RNF216: variants seen among roughly 807,000 people sequenced by gnomAD.
RNF216 encodes ring finger protein 216, also known as E3 ubiquitin-protein ligase RNF216.
A neutral mutation model predicts 110.8 loss-of-function variants in RNF216; 72 were observed. The observed-to-expected ratio is 0.65, with a 90% CI of 0.54 to 0.79. RNF216 has a LOEUF of 0.79. Among genes scored for constraint, RNF216 ranks in the 30% least tolerant of loss-of-function variants. The probability of loss-of-function intolerance (pLI) is 0.00; values close to 1 mark genes in which losing one functional copy is unlikely to be tolerated. For missense variants in RNF216, 1,342 were observed against 1,141.2 expected (o/e 1.18, Z -2.54); for synonymous variants, 495 against 407.5 (o/e 1.21, Z -2.59).
intron 15 of RNF216, among the ~76,000 whole-genome samples, chr7:5,632,967 C>T (rs960888299): frequency 1.3e-5 from 2 of 152,050 alleles, no homozygotes; most frequent in African/African-American, 2.4e-5. Flanking sequence ...ACCCACCCAG[C>T]GGAACTGGAA....
At position 5,741,133 on chromosome 7, in the gene RNF216, G is replaced by C; in HGVS notation, c.884C>G (p.Pro295Arg). 2 of 1,614,140 alleles carry C rather than the reference G, an allele frequency of 1.2e-6. No individual in the cohort carries two copies. Among genetic ancestry groups the C allele is most frequent in the Non-Finnish European group, 1.7e-6 (2 of 1,180,042 alleles). ...CTGCTGGTCTTCAAACTCTCCTAGA[G>C]GATGGGCAGGCTGAGGAGAAGAGGG... is the stretch of plus-strand genomic sequence containing the variant. ...SGPSSPQPAH[P>R]LGEFEDQQLA... is the part of the protein sequence containing the mutation. Residue 295 changes from proline (P) to arginine (R), a missense_variant, in exon 4 of 17, where the codon CCT becomes CGT. By Grantham distance (103) the Pro-to-Arg change is moderately radical. Coordinates refer to ENST00000389902, the MANE Select transcript of RNF216 (RefSeq NM_207111.4).
chr7:5,676,347 T>C (rs1357812488), intron 13 of RNF216, among the ~76,000 whole-genome samples: 3 of 152,214 alleles, frequency 2.0e-5, no homozygotes, highest in African/African-American at 4.8e-5. Context: ...TCTCCAGCTA[T>C]ATACCTTATA....
intron 1 of RNF216, among the ~76,000 whole-genome samples, chr7:5,776,860 C>T (rs913705635): frequency 7.9e-6 from 1 of 126,580 alleles, no homozygotes; most frequent in African/African-American, 3.0e-5. Flanking sequence ...GATATTGTGC[C>T]ACTGCACTCC....
rs556937664 is a variant in RNF216, at chr7:5,697,192, C to T, written c.2061+14569G>A. Among the ~76,000 whole-genome samples, 10 of 149,510 alleles carry T rather than the reference C, an allele frequency of 6.7e-5. No homozygotes were observed. The South Asian group carries it at 8.3e-4, about 12-fold the overall frequency. On this transcript the variant is annotated intron_variant, in intron 13 of 16. Transcript: ENST00000389902. Reference sequence around the variant, plus strand: ...CCTGGAGTAAAGTTCTCCCCATCTCCGCCAATAAGACCCCACCACGGCCTG... The same window carrying T: ...CCTGGAGTAAAGTTCTCCCCATCTCTGCCAATAAGACCCCACCACGGCCTG...
In RNF216 at chr7:5,657,442, C is replaced by T. The variant is rs1788817493; in HGVS notation, c.2062-4932G>A. Among the ~76,000 whole-genome samples, 4 of 152,146 alleles carry T rather than the reference C, an allele frequency of 2.6e-5. No homozygotes were observed. The South Asian group carries it at 8.3e-4, about 32-fold the overall frequency. ...ATTAGCTGGGCGTGGTGGCGCATGC[C>T]TATAATCCCAGCTACTCAGGAGGCT... On this transcript the variant is annotated intron_variant, in intron 13 of 16. Transcript: ENST00000389902.
chr7:5,765,952 C>CAA (rs138328361), intron 1 of RNF216, among the ~76,000 whole-genome samples: 43,202 of 102,156 alleles, frequency 0.42, 9,931 homozygotes, highest in East Asian at 0.73. Context: ...GACTCTGTCT[C>CAA]AAAAAAAAAA....
intron 13 of RNF216, among the ~76,000 whole-genome samples, chr7:5,686,574 A>G (rs1562390703): frequency 6.6e-6 from 1 of 152,212 alleles, no homozygotes; most frequent in South Asian, 2.1e-4. Flanking sequence ...CAGTGTTCCT[A>G]AACTGATGTT....
At chr7:5,740,821 AG>A (rs1238206134) in intron 4 of RNF216, 151 bp downstream of exon 4, 10 of 659,526 alleles carry the variant, frequency 1.5e-5, no homozygotes, top group Middle Eastern at 9.0e-4. Context: ...ATGTCTTCAG[AG>A]TGTCTCTTCT....
intron 1 of RNF216, among the ~76,000 whole-genome samples, chr7:5,770,511 G>A (rs1796440614): frequency 6.6e-6 from 1 of 151,244 alleles, no homozygotes; most frequent in Non-Finnish European, 1.5e-5. Flanking sequence ...AATAAATGTA[G>A]AGACATACCA....
In RNF216 at chr7:5,741,663, C is replaced by T. The variant is rs767915764; in HGVS notation, c.354G>A (p.Leu118=). The T allele has an allele frequency of 1.2e-5, 19 of 1,614,036 alleles. No individual in the cohort carries two copies. The highest frequency in any genetic ancestry group is 1.6e-5 in the Non-Finnish European group (19 of 1,180,036). The change falls in exon 4 of 17, where the codon TTG becomes TTA. Residue 118 remains leucine, a synonymous_variant. Transcript: ENST00000389902. ...AATCATCCTGTGCCCCAGAATCAAA[C>T]AATGGGTTGTTACACACTGAAAAAT... ...SSYFSVCNNP[L]FDSGAQDDSE...
intron 10 of RNF216, 75 bp downstream of exon 10, chr7:5,716,641 A>T: frequency 7.9e-7 from 1 of 1,268,902 alleles, no homozygotes; most frequent in Non-Finnish European, 1.1e-6. Context: ...TGCCATCAAA[A>T]ATGCTGACAA....
intron 13 of RNF216, among the ~76,000 whole-genome samples, chr7:5,672,941 T>C (rs1790016255): frequency 1.3e-5 from 2 of 152,162 alleles, no homozygotes; most frequent in African/African-American, 4.8e-5. Context: ...TTGGAAAATG[T>C]ACAAAAAAAG....
At chr7:5,651,742 G>A (rs529740706) in intron 14 of RNF216, among the ~76,000 whole-genome samples, 3 of 151,964 alleles carry the variant, frequency 2.0e-5, no homozygotes, top group African/African-American at 4.8e-5. Flanking sequence ...TCCGCCTCCC[G>A]GGTTCAACTA....
intron 13 of RNF216, among the ~76,000 whole-genome samples, chr7:5,654,236 G>A (rs1788588669): frequency 6.6e-6 from 1 of 152,140 alleles, no homozygotes; most frequent in Non-Finnish European, 1.5e-5. Flanking sequence ...GGTGGGTGTA[G>A]AGATGAGTCG....
intron 3 of RNF216, among the ~76,000 whole-genome samples, chr7:5,752,116 C>A (rs926797847): frequency 2.0e-5 from 3 of 151,750 alleles, no homozygotes; most frequent in African/African-American, 4.8e-5. Context: ...AACCAGAAGG[C>A]GGAGGTTGCA....
At chr7:5,693,560 C>A (rs1053603451) in intron 13 of RNF216, among the ~76,000 whole-genome samples, 1 of 152,154 alleles carries the variant, frequency 6.6e-6, no homozygotes, top group African/African-American at 2.4e-5. Flanking sequence ...AAGAAGCCGG[C>A]ATGAAGAAGC....
chr7:5,765,082 AAAGT>A (rs1324902363), intron 1 of RNF216, among the ~76,000 whole-genome samples: 4 of 151,750 alleles, frequency 2.6e-5, no homozygotes, highest in Admixed American at 1.3e-4. Flanking sequence ...AAAAAAAAAA[AAAGT>A]AAGGATGGGA....
intron 5 of RNF216, among the ~76,000 whole-genome samples, chr7:5,735,788 G>A (rs921419068): frequency 1.3e-5 from 2 of 152,188 alleles, no homozygotes; most frequent in Non-Finnish European, 1.5e-5. Flanking sequence ...AGCATGTTAA[G>A]TAAAATTGAT....
chr7:5,735,747 G>A (rs1242147607), intron 5 of RNF216, among the ~76,000 whole-genome samples: 1 of 152,182 alleles, frequency 6.6e-6, no homozygotes, highest in African/African-American at 2.4e-5. Context: ...GCCTGGTAGT[G>A]TACACTCTTA....
Sources: allele counts gnomAD v4.1 joint callset (sites outside exome capture counted in the v4.1 genomes callset), GRCh38; gene constraint gnomAD v4.1.1; transcripts MANE v1.5; gene names NCBI Gene and HGNC (gene_info 2026-07-23, HGNC 2026-07-21).